APCDD1: variants seen among roughly 807,000 people sequenced by gnomAD.
The protein encoded by APCDD1 is APC down-regulated 1, also known as protein APCDD1.
APCDD1 carries 15 observed loss-of-function variants against 38.1 expected under a neutral mutation model. The observed-to-expected ratio is 0.39, with a 90% CI of 0.26 to 0.61. The LOEUF is 0.61. Among genes scored for constraint, APCDD1 ranks in the 20% least tolerant of loss-of-function variants. The pLI, the probability that APCDD1 is intolerant of heterozygous loss-of-function variation, is 0.49. For missense variants in APCDD1, 647 were observed against 696.2 expected (o/e 0.93, Z 0.79); for synonymous variants, 261 against 279.7 (o/e 0.93, Z 0.67).
chr18:10,458,801 G>A (rs1370283364), intron 1 of APCDD1, among the ~76,000 whole-genome samples: 3 of 152,168 alleles, frequency 2.0e-5, no homozygotes, highest in Non-Finnish European at 2.9e-5. Context: ...TACATCGGTT[G>A]AAAGATACAC....
At chr18:10,473,891 C>T (rs2030924791) in intron 3 of APCDD1, among the ~76,000 whole-genome samples, 1 of 149,632 alleles carries the variant, frequency 6.7e-6, no homozygotes, top group South Asian at 2.1e-4. Flanking sequence ...CTACCTTTGG[C>T]TCGCTCTGAG....
chr18:10,486,259 TAGG>T (rs1393061485), intron 4 of APCDD1, among the ~76,000 whole-genome samples: 1 of 152,066 alleles, frequency 6.6e-6, no homozygotes, highest in Non-Finnish European at 1.5e-5. Context: ...GAGGCTGAGC[TAGG>T]AGGATCGCTT....
rs748341838 is a variant in APCDD1 at position 10,487,948 on chromosome 18, T to C, written c.1455T>C (p.Tyr485=). ...CAGAAGACAGTGGAAGCAGCCTGTATGGCCGGGCCCCTGGGAGGCACACCT... is the reference window on the plus strand; with the variant it reads ...CAGAAGACAGTGGAAGCAGCCTGTACGGCCGGGCCCCTGGGAGGCACACCT... ...DLAEDSGSSL[Y]GRAPGRHTWS... Residue 485 remains tyrosine, a synonymous_variant, in exon 5 of 5, where the codon TAT becomes TAC. Transcript: ENST00000355285. 6 of 1,613,596 alleles carry C rather than the reference T, an allele frequency of 3.7e-6. No homozygotes were observed. The African/African-American group carries it at 8.0e-5, about 22-fold the overall frequency.
chr18:10,456,637 T>G (rs1366036108), intron 1 of APCDD1, among the ~76,000 whole-genome samples: 3 of 152,226 alleles, frequency 2.0e-5, no homozygotes, highest in South Asian at 4.1e-4. Context: ...ACAAGGTAAC[T>G]CTGAACATGT....
At position 10,485,619 on chromosome 18, in the gene APCDD1, G is replaced by A. The variant is rs758870123; in HGVS notation, c.932G>A (p.Arg311His). ...CGCCCCGAAGTCCTCTTCCTCACCC[G>A]CCACTTCATCTTCCATGACAACAAC... Reference protein sequence around the residue: ...EVRPEVLFLTRHFIFHDNNNT... With the variant: ...EVRPEVLFLTHHFIFHDNNNT... The change falls in exon 4 of 5, where the codon CGC becomes CAC. Residue 311 changes from arginine to histidine, a missense_variant. Transcript: ENST00000355285. The surrounding 1 kb of genome is among the most constrained non-coding windows in gnomAD (Gnocchi z 5.8). The A allele has an allele frequency of 5.6e-6, 9 of 1,613,984 alleles. No homozygotes were observed. Among genetic ancestry groups the A allele is most frequent in the East Asian group, 4.5e-5 (2 of 44,884 alleles).
chr18:10,458,511 G>C (rs2030440098), intron 1 of APCDD1, among the ~76,000 whole-genome samples: 2 of 152,104 alleles, frequency 1.3e-5, no homozygotes, highest in South Asian at 4.1e-4. Context: ...ATGAAGTCTT[G>C]AAAAGAAGCA....
chr18:10,464,331 CACACACACACACAG>C (rs1469875699), intron 1 of APCDD1, among the ~76,000 whole-genome samples: 5 of 150,484 alleles, frequency 3.3e-5, no homozygotes, highest in African/African-American at 1.0e-4. Context: ...CACACACACA[CACACACACACACAG>C]ACACACACAC....
Position 10,472,129 on chromosome 18 carries a change from T to TG in APCDD1, c.774+73dup. The TG allele has an allele frequency of 6.2e-7, 1 of 1,604,916 alleles. No homozygotes were observed. The highest frequency in any genetic ancestry group is 1.3e-5 in the African/African-American group (1 of 74,876). On this transcript the variant is annotated intron_variant, in intron 3 of 4. Transcript: ENST00000355285. This position sits in a 1 kb window ranked among gnomAD's most constrained non-coding sequence, Gnocchi z 6.6. ...GGTGATCCTTCTTAAAGGCTTGCCATGGGGGCTCTAGGGCACCCTTGAAAG... is the reference window on the plus strand; with the variant it reads ...GGTGATCCTTCTTAAAGGCTTGCCATGGGGGGCTCTAGGGCACCCTTGAAAG...
In APCDD1 at chr18:10,470,611, A is replaced by G. The variant is rs114313001; in HGVS notation, c.243-919A>G. Among the ~76,000 whole-genome samples the G allele has an allele frequency of 9.7e-3, 1,483 of 152,376 alleles. 29 individuals carry two copies. The highest frequency in any genetic ancestry group is 0.034 in the African/African-American group (1,418 of 41,590). Reference sequence around the variant, plus strand: ...GCATCATAGATGAGAGCAGAGTGGGAAGGCCAGAATTGATGAGCTGAAAGT... The same window carrying G: ...GCATCATAGATGAGAGCAGAGTGGGGAGGCCAGAATTGATGAGCTGAAAGT... On this transcript the variant is annotated intron_variant, in intron 2 of 4. Coordinates refer to ENST00000355285, the MANE Select transcript of APCDD1 (RefSeq NM_153000.5). This position sits in a 1 kb window ranked among gnomAD's most constrained non-coding sequence, Gnocchi z 4.1.
At chr18:10,478,730 A>G (rs2031065513) in intron 3 of APCDD1, among the ~76,000 whole-genome samples, 1 of 152,172 alleles carries the variant, frequency 6.6e-6, no homozygotes, top group Non-Finnish European at 1.5e-5. Context: ...CGACACAAAC[A>G]TTCAGTGTGT....
At position 10,471,179 on chromosome 18, in the gene APCDD1, G is replaced by T. The variant is rs1433026727; in HGVS notation, c.243-351G>T. Among the ~76,000 whole-genome samples, 7 of 152,232 alleles carry T rather than the reference G, an allele frequency of 4.6e-5. No individual in the cohort carries two copies. The highest frequency in any genetic ancestry group is 4.6e-4 in the Admixed American group (7 of 15,286). On this transcript the variant is annotated intron_variant, in intron 2 of 4. Coordinates refer to ENST00000355285, the MANE Select transcript of APCDD1 (RefSeq NM_153000.5). The surrounding 1 kb of genome is among the most constrained non-coding windows in gnomAD (Gnocchi z 5.5). ...CAGGGCAGCAGGTGTTTGCCCTCCT[G>T]GCCTGCTCGTGAAGCGAGTGGAAGG...
Position 10,468,665 on chromosome 18 carries a change from G to A in APCDD1, c.242+13G>A, listed in dbSNP as rs747007917. 12 of 1,613,032 alleles carry A rather than the reference G, an allele frequency of 7.4e-6. No individual in the cohort carries two copies. The highest frequency in any genetic ancestry group is 1.7e-5 in the Admixed American group (1 of 60,030). ...GGGTCTCCACAGGGTAAGAGGACAG[G>A]TGGGGTCTGGGAGAGGCCAGAGAGC... On this transcript the variant is annotated intron_variant, in intron 2 of 4. Transcript: ENST00000355285.
intron 1 of APCDD1, among the ~76,000 whole-genome samples, chr18:10,464,021 A>T (rs1463504204): frequency 6.6e-6 from 1 of 152,170 alleles, no homozygotes; most frequent in Admixed American, 6.5e-5. Flanking sequence ...CAAAATGGAT[A>T]TTGATCTTTA....
Position 10,487,861 on chromosome 18 carries a change from C to T in APCDD1, c.1368C>T (p.Ala456=), listed in dbSNP as rs1158144774. The T allele has an allele frequency of 1.9e-6, 3 of 1,613,842 alleles. No homozygotes were observed. Among genetic ancestry groups the T allele is most frequent in the South Asian group, 2.2e-5 (2 of 91,084 alleles). ...GCCCAGACAGGCCAGAGAAGAGAGC[C>T]ACGTCCTACCAGATGCCCTTGGTCC... ...GSSPDRPEKR[A]TSYQMPLVQC... Residue 456 remains alanine, a synonymous_variant, in exon 5 of 5, where the codon GCC becomes GCT. Transcript: ENST00000355285.
rs777419740 is a variant in APCDD1, at chr18:10,468,769, C to G, written c.242+117C>G. Reference sequence around the variant, plus strand: ...CATTTACAATGATTTAGGTGTTGTCCAAGTTCTAATGAAGAACCAAACCAC... The same window carrying G: ...CATTTACAATGATTTAGGTGTTGTCGAAGTTCTAATGAAGAACCAAACCAC... On this transcript the variant is annotated intron_variant, in intron 2 of 4. Coordinates refer to ENST00000355285, the MANE Select transcript of APCDD1 (RefSeq NM_153000.5). The G allele has an allele frequency of 2.6e-4, 294 of 1,147,476 alleles. No individual in the cohort carries two copies. In the East Asian group the frequency reaches 3.7e-3, roughly 14 times the overall value. 71.1% of individuals were successfully genotyped at this position (1,147,476 alleles called of 1,614,324 possible).
Position 10,470,351 on chromosome 18 carries a change from G to A in APCDD1, c.243-1179G>A, listed in dbSNP as rs1376373527. On this transcript the variant is annotated intron_variant, in intron 2 of 4. Transcript: ENST00000355285. The surrounding 1 kb of genome is among the most constrained non-coding windows in gnomAD (Gnocchi z 4.1). ...GGTGTTTGCTCTCTCCTTTTTCTAA[G>A]ATTACAGATACCCCAGGTACTGTTG... 6.6e-6 allele frequency among the ~76,000 whole-genome samples: 1 copy of A among 152,130 alleles called. No individual in the cohort carries two copies. Among genetic ancestry groups the A allele is most frequent in the Non-Finnish European group, 1.5e-5 (1 of 68,030 alleles).
chr18:10,474,465 G>A (rs1171310538), intron 3 of APCDD1, among the ~76,000 whole-genome samples: 7 of 152,236 alleles, frequency 4.6e-5, no homozygotes, highest in Admixed American at 4.6e-4. Context: ...GTCTGAGTGA[G>A]GAGGCAGGTG....
intron 3 of APCDD1, among the ~76,000 whole-genome samples, chr18:10,481,606 C>T (rs756217178): frequency 6.7e-6 from 1 of 150,320 alleles, no homozygotes; most frequent in Non-Finnish European, 1.5e-5. Context: ...CAGGGGTAGC[C>T]GCACAACAGT....
chr18:10,465,712 T>A (rs904076959), intron 1 of APCDD1, among the ~76,000 whole-genome samples: 2 of 152,228 alleles, frequency 1.3e-5, no homozygotes, highest in Non-Finnish European at 2.9e-5. Flanking sequence ...TGTCTTTGAC[T>A]AGATACAGAA....
Sources: gnomAD v4.1 joint callset for allele counts (sites outside exome capture counted in the v4.1 genomes callset) on GRCh38, gnomAD v4.1.1 for gene constraint, Gnocchi (gnomAD v3.1) non-coding constraint, MANE v1.5 for transcripts, NCBI Gene and HGNC (gene_info 2026-07-23, HGNC 2026-07-21) for gene names.